Variants in TRIM69 observed in about 807,000 individuals in gnomAD.
The protein encoded by TRIM69 is tripartite motif containing 69.
Under a neutral mutation model 37.7 loss-of-function variants are expected in TRIM69, and 29 were observed. The observed-to-expected ratio is 0.77, with a 90% CI of 0.57 to 1.05. TRIM69 has a LOEUF of 1.05. Ranked by LOEUF, TRIM69 falls within the 50% of genes least tolerant of loss-of-function variation. The pLI, the probability that TRIM69 is intolerant of heterozygous loss-of-function variation, is 0.00. For synonymous variants in TRIM69, 209 were observed against 212.4 expected (o/e 0.98, Z 0.14); for missense variants, 596 against 579.9 (o/e 1.03, Z -0.28).
chr15:44,752,235 T>C (rs1469006962), intron 1 of TRIM69, among the ~76,000 whole-genome samples: 2 of 152,332 alleles, frequency 1.3e-5, no homozygotes, highest in Middle Eastern at 3.4e-3. Flanking sequence ...TACGATTTTT[T>C]AGAACTATTT....
intron 1 of TRIM69, among the ~76,000 whole-genome samples, chr15:44,742,996 C>T (rs1475479407): frequency 3.7e-4 from 56 of 151,766 alleles, no homozygotes; most frequent in Non-Finnish European, 6.9e-4. Flanking sequence ...AAAAAGAGCC[C>T]GCATCGCCAA....
intron 6 of TRIM69, among the ~76,000 whole-genome samples, chr15:44,764,713 C>T (rs2087850458): frequency 6.6e-6 from 1 of 152,194 alleles, no homozygotes; most frequent in African/African-American, 2.4e-5. Context: ...CCTACTCTAG[C>T]TTAGGGAATT....
intron 1 of TRIM69, among the ~76,000 whole-genome samples, chr15:44,746,988 C>T (rs140220471): frequency 1.4e-3 from 219 of 152,260 alleles, no homozygotes; most frequent in Middle Eastern, 0.014. Context: ...TGAGGAAGGA[C>T]TGCCAAATAT....
intron 1 of TRIM69, among the ~76,000 whole-genome samples, chr15:44,739,424 G>C (rs2087231556): frequency 6.6e-6 from 1 of 152,228 alleles, no homozygotes; most frequent in Admixed American, 6.5e-5. Context: ...AGCAGGGCGA[G>C]GCATTGCCTC....
rs752758009 is a variant in TRIM69 at position 44,756,426 on chromosome 15, T to C, written c.542T>C (p.Leu181Pro). The change falls in exon 3 of 7, where the codon CTG becomes CCG. Residue 181 changes from leucine to proline, a missense_variant. Leu to Pro is a moderately conservative substitution (Grantham distance 98). Coordinates refer to ENST00000329464, the MANE Select transcript of TRIM69 (RefSeq NM_182985.5). Reference protein sequence around the residue: ...LETTLKELQTLRNMQKEAIAA... With the variant: ...LETTLKELQTPRNMQKEAIAA... ...ACAACTCTGAAGGAGCTTCAGACCC[T>C]GAGGAACATGCAGAAGGAAGCTATT... The C allele has an allele frequency of 2.4e-5, 37 of 1,551,124 alleles. No individual in the cohort carries two copies. In the South Asian group the frequency reaches 2.7e-4, roughly 11 times the overall value.
Position 44,767,540 on chromosome 15 carries a change from T to G in TRIM69, c.1271T>G (p.Leu424Arg). ...TTAAGACTAAGGAACCAAACTGATC[T>G]AAAGGCTCTGGATTTGCCTTCTTTC... ...WLLRLRNQTD[L>R]KALDLPSFSL... The change falls in exon 7 of 7, where the codon CTA (leucine) becomes CGA (arginine). Residue 424 changes from leucine to arginine, a missense_variant. Physicochemically the swap from Leu to Arg is moderately radical, Grantham distance 102 (BLOSUM62 -2). Coordinates refer to ENST00000329464, the MANE Select transcript of TRIM69 (RefSeq NM_182985.5). 6.2e-7 allele frequency: 1 copy of G among 1,614,220 alleles called. No individual in the cohort carries two copies. The highest frequency in any genetic ancestry group is 8.5e-7 in the Non-Finnish European group (1 of 1,180,024).
At position 44,758,813 on chromosome 15, in the gene TRIM69, C is replaced by A. The variant is rs779421211; in HGVS notation, c.772C>A (p.Gln258Lys). The change falls in exon 4 of 7, where the codon CAG becomes AAG. Residue 258 changes from glutamine (Q) to lysine (K), a missense_variant. Physicochemically the swap from Gln to Lys is moderately conservative, Grantham distance 53. Transcript: ENST00000329464. The stretch of plus-strand genomic sequence containing the variant: ...AGCCAAGGATATGTTGGTGAGCATT[C>A]AGGCAAAGACGGAACAACAGAACTC... ...LLAKDMLVSI[Q>K]AKTEQQNSFD... 2 of 1,613,980 alleles carry A rather than the reference C, an allele frequency of 1.2e-6. No individual in the cohort carries two copies. Among genetic ancestry groups the A allele is most frequent in the African/African-American group, 1.3e-5 (1 of 75,028 alleles).
At chr15:44,750,750 A>T (rs186369426) in intron 1 of TRIM69, among the ~76,000 whole-genome samples, 23 of 92,500 alleles carry the variant, frequency 2.5e-4, no homozygotes, top group African/African-American at 1.0e-3. Flanking sequence ...TTTGAGACGG[A>T]GTCTCACTCT....
chr15:44,759,335 T>C (rs2087723077), intron 4 of TRIM69, among the ~76,000 whole-genome samples: 1 of 152,228 alleles, frequency 6.6e-6, no homozygotes, highest in African/African-American at 2.4e-5. Flanking sequence ...GGGACTGGGA[T>C]ACCTAATGTG....
intron 1 of TRIM69, 25 bp downstream of exon 1, chr15:44,736,735 C>A (rs752576989): frequency 6.6e-7 from 1 of 1,516,050 alleles, no homozygotes; most frequent in Non-Finnish European, 9.0e-7. Flanking sequence ...TTTTTTTTAA[C>A]TTAGCAGGGC....
chr15:44,754,854 TG>T (rs1207136108), intron 1 of TRIM69, 45 bp from the exon 2 acceptor site: 2 of 1,435,494 alleles, frequency 1.4e-6, no homozygotes, highest in Non-Finnish European at 9.6e-7. Flanking sequence ...AGTGTTAAAA[TG>T]GGCAACAAGA....
At position 44,759,795 on chromosome 15, in the gene TRIM69, G is replaced by C. The variant is rs2087734932; in HGVS notation, c.884G>C (p.Arg295Thr). The change falls in exon 6 of 7, where the codon AGA becomes ACA. Residue 295 changes from arginine to threonine, a missense_variant. By Grantham distance (71) the Arg-to-Thr change is moderately conservative. Transcript: ENST00000329464. ...CTGGCAACCAGAGAGCTTATTTCCA[G>C]AAAGCTGAACCTGGGCCAGTACAAA... is the stretch of plus-strand genomic sequence containing the variant. ...KVLATRELIS[R>T]KLNLGQYKGP... The C allele has an allele frequency of 6.2e-7, 1 of 1,614,090 alleles. No homozygotes were observed. The highest frequency in any genetic ancestry group is 1.7e-5 in the Admixed American group (1 of 60,002).
At chr15:44,738,263 G>A (rs1172741520) in intron 1 of TRIM69, among the ~76,000 whole-genome samples, 2 of 149,078 alleles carry the variant, frequency 1.3e-5, no homozygotes, top group Non-Finnish European at 3.0e-5. Context: ...TAGAGATGAG[G>A]TCTCACCATG....
intron 1 of TRIM69, chr15:44,753,359 C>T (rs563316662): frequency 6.6e-6 from 1 of 152,274 alleles, no homozygotes; most frequent in African/African-American, 2.4e-5. Flanking sequence ...CTCAAATGAT[C>T]TGCCCACCTT....
chr15:44,750,182 A>G (rs1364899512), intron 1 of TRIM69, among the ~76,000 whole-genome samples: 1 of 151,934 alleles, frequency 6.6e-6, no homozygotes, highest in African/African-American at 2.4e-5. Flanking sequence ...TTGTCTTTTC[A>G]CTCTTTTGCA....
At chr15:44,756,754 A>T in intron 3 of TRIM69, 1 of 172,134 alleles carries the variant, frequency 5.8e-6, no homozygotes, top group East Asian at 7.1e-5. Context: ...CTTTGGCTTT[A>T]TCTATGGCAA....
chr15:44,744,264 C>T (rs2087354711), intron 1 of TRIM69, among the ~76,000 whole-genome samples: 1 of 129,326 alleles, frequency 7.7e-6, no homozygotes, highest in South Asian at 2.5e-4. Context: ...ACTGAGAACA[C>T]ATGGACACAG....
intron 1 of TRIM69, among the ~76,000 whole-genome samples, chr15:44,745,036 A>G (rs1012128846): frequency 6.6e-6 from 1 of 150,978 alleles, no homozygotes; most frequent in Non-Finnish European, 1.5e-5. Context: ...GTAATCTAGA[A>G]GGCCAACTGC....
intron 6 of TRIM69, among the ~76,000 whole-genome samples, chr15:44,765,281 ATG>A (rs1228351150): frequency 6.6e-6 from 1 of 152,186 alleles, no homozygotes; most frequent in Non-Finnish European, 1.5e-5. Context: ...CTAGCTAGAG[ATG>A]TGTCAGAGGC....
Sources: allele counts gnomAD v4.1 joint callset (sites outside exome capture counted in the v4.1 genomes callset), GRCh38; gene constraint gnomAD v4.1.1; transcripts MANE v1.5; gene names NCBI Gene and HGNC (gene_info 2026-07-23, HGNC 2026-07-21).